The following DTNA variants were observed in gnomAD, a reference collection of about 807,000 sequenced individuals.
DTNA encodes dystrophin-related protein 3.
Under a neutral mutation model 100.7 loss-of-function variants are expected in DTNA, and 43 were observed. The observed-to-expected ratio is 0.43, with a 90% confidence interval of 0.33 to 0.55. The LOEUF (loss-of-function observed/expected upper bound fraction) is 0.55, where lower values mean the gene tolerates loss of function less well. Ranked by LOEUF, DTNA falls within the 20% of genes least tolerant of loss-of-function variation. DTNA has a pLI of 0.04. For missense variants in DTNA, 798 were observed against 953.9 expected (o/e 0.84, Z 2.15); for synonymous variants, 349 against 347.9 (o/e 1.00, Z -0.04).
chr18:34,697,079 C>A (rs768435101), intron 1 of DTNA, among the ~76,000 whole-genome samples: 1 of 152,164 alleles, frequency 6.6e-6, no homozygotes, highest in Non-Finnish European at 1.5e-5. Context: ...TCTAGCCCAA[C>A]GTATCAATAG....
chr18:34,779,414 T>A (rs147412466), intron 3 of DTNA, among the ~76,000 whole-genome samples: 34 of 152,336 alleles, frequency 2.2e-4, no homozygotes, highest in Admixed American at 4.6e-4. Flanking sequence ...TTGTAAATGA[T>A]CATAAGAAAC....
chr18:34,854,722 A>G (rs1362958523), intron 15 of DTNA, among the ~76,000 whole-genome samples: 1 of 152,174 alleles, frequency 6.6e-6, no homozygotes, highest in Non-Finnish European at 1.5e-5. Context: ...GATTGCTAAC[A>G]AGCATGGAGC....
chr18:34,546,476 A>G (rs1353488978), intron 1 of DTNA, among the ~76,000 whole-genome samples: 2 of 152,172 alleles, frequency 1.3e-5, no homozygotes, highest in Non-Finnish European at 2.9e-5. Flanking sequence ...GAAAGGATCT[A>G]GAATCATGCA....
rs1366456179 is a variant in DTNA at position 34,710,460 on chromosome 18, A to T, written c.-2+15A>T. The T allele has an allele frequency of 6.6e-6, 1 of 152,168 alleles. No homozygotes were observed. Among genetic ancestry groups the T allele is most frequent in the Non-Finnish European group, 1.5e-5 (1 of 68,036 alleles). The allele number at this position is 152,168 out of a possible 1,614,324, so 9.4% of individuals were successfully genotyped here. A position where few individuals can be genotyped will look rare whatever the true frequency, so the allele number is the denominator to read the frequency against. On this transcript the variant is annotated intron_variant, in intron 1 of 22. Transcript: ENST00000444659. ...TACAAAACCAGGTAAGGTACAATTG[A>T]ATCTATGAAACTGAACTCTCTGACT...
intron 1 of DTNA, among the ~76,000 whole-genome samples, chr18:34,676,669 T>C (rs2077438711): frequency 6.6e-6 from 1 of 152,074 alleles, no homozygotes; most frequent in Non-Finnish European, 1.5e-5. Context: ...ATCTCATCTC[T>C]ACAAAACATA....
chr18:34,683,393 A>C (rs533585263), intron 1 of DTNA: 54 of 152,124 alleles, frequency 3.5e-4, no homozygotes, highest in African/African-American at 1.3e-3. Flanking sequence ...TTGGTACTTC[A>C]CTTAGTTATT....
chr18:34,501,982 C>T (rs1269143455), intron 1 of DTNA, among the ~76,000 whole-genome samples: 1 of 152,172 alleles, frequency 6.6e-6, no homozygotes, highest in Non-Finnish European at 1.5e-5. Context: ...TAATCACTTT[C>T]TTTAAAAGTC....
At chr18:34,571,732 T>G (rs2579797) in intron 1 of DTNA, among the ~76,000 whole-genome samples, 14,038 of 152,208 alleles carry the variant, frequency 0.092, 652 homozygotes, top group South Asian at 0.11. Flanking sequence ...AGTCTCTAAC[T>G]CTCTGCAAAG....
intron 1 of DTNA, among the ~76,000 whole-genome samples, chr18:34,698,004 C>A (rs973462059): frequency 1.4e-4 from 22 of 152,172 alleles, no homozygotes; most frequent in African/African-American, 5.3e-4. Context: ...TTCCTTGATT[C>A]ATCATTCCCT....
chr18:34,737,570 C>T (rs1386941355), intron 1 of DTNA, among the ~76,000 whole-genome samples: 3 of 152,156 alleles, frequency 2.0e-5, no homozygotes, highest in African/African-American at 7.2e-5. Flanking sequence ...CCTCCCAATT[C>T]TTGGGAATAG....
intron 17 of DTNA, chr18:34,868,132 T>A: frequency 2.0e-6 from 1 of 505,656 alleles, no homozygotes; most frequent in Non-Finnish European, 2.5e-6. Context: ...AGGATGTTAC[T>A]CTGCATGTTC....
chr18:34,616,717 A>G (rs1328298754), intron 1 of DTNA, among the ~76,000 whole-genome samples: 1 of 152,204 alleles, frequency 6.6e-6, no homozygotes, highest in Non-Finnish European at 1.5e-5. Flanking sequence ...GCTTTGAGCA[A>G]TATGGTCATA....
intron 1 of DTNA, among the ~76,000 whole-genome samples, chr18:34,667,185 A>G (rs913573741): frequency 5.3e-5 from 8 of 152,278 alleles, no homozygotes; most frequent in Non-Finnish European, 7.4e-5. Context: ...CTTTGAAGCA[A>G]TTGTGAATGG....
At chr18:34,797,085 A>C (rs2095008815) in intron 4 of DTNA, among the ~76,000 whole-genome samples, 1 of 152,166 alleles carries the variant, frequency 6.6e-6, no homozygotes, top group African/African-American at 2.4e-5. Context: ...TGATTTGTAC[A>C]ATGTTGGGGG....
In DTNA at chr18:34,609,245, CT is replaced by C. The variant is rs71166019; in HGVS notation, c.-2+115748del. ...CCTTTTTGTTTTGACTGCTTTAATT[CT>C]TTTTTTTTTTTTTTTTGAGACGGAG... On this transcript the variant is annotated intron_variant, in intron 1 of 19. Transcript: ENST00000283365. 1.9e-3 allele frequency among the ~76,000 whole-genome samples: 246 copies of C among 131,284 alleles called. 2 individuals carry two copies. The highest frequency in any genetic ancestry group is 0.012 in the Middle Eastern group (3 of 256). 86.1% of individuals were successfully genotyped at this position (131,284 alleles called of 152,430 possible). A position where few individuals can be genotyped will look rare whatever the true frequency, so the allele number is the denominator to read the frequency against.
At chr18:34,575,441 A>G (rs1598682627) in intron 1 of DTNA, among the ~76,000 whole-genome samples, 1 of 152,186 alleles carries the variant, frequency 6.6e-6, no homozygotes, top group East Asian at 1.9e-4. Context: ...CTCTAAGGAC[A>G]GCAAACAAAT....
chr18:34,749,643 A>AATAATAAT (rs2092096222), intron 1 of DTNA, among the ~76,000 whole-genome samples: 1 of 39,810 alleles, frequency 2.5e-5, no homozygotes, highest in African/African-American at 7.2e-5. Context: ...TCTCTCCAAA[A>AATAATAAT]AATAATAATA....
intron 13 of DTNA, among the ~76,000 whole-genome samples, chr18:34,842,720 G>T (rs544677219): frequency 6.6e-6 from 1 of 152,230 alleles, no homozygotes; most frequent in African/African-American, 2.4e-5. Context: ...GAACTTGCTT[G>T]TCTAGCTTCC....
chr18:34,532,459 A>AG (rs2043235191), intron 1 of DTNA, among the ~76,000 whole-genome samples: 1 of 152,196 alleles, frequency 6.6e-6, no homozygotes, highest in Non-Finnish European at 1.5e-5. Context: ...CATTCTATGG[A>AG]GGGTTGGAAT....
Sources: allele counts gnomAD v4.1 joint callset (sites outside exome capture counted in the v4.1 genomes callset), GRCh38; gene constraint gnomAD v4.1.1; transcripts MANE v1.5; gene names NCBI Gene and HGNC (gene_info 2026-07-23, HGNC 2026-07-21).